The following MYO16 variants were observed in gnomAD, a reference collection of about 807,000 sequenced individuals.
MYO16 encodes the protein unconventional myosin-XVI.
Under a neutral mutation model 205.3 loss-of-function variants are expected in MYO16, and 94 were observed. The ratio of observed to expected loss-of-function variants is 0.46; its 90% CI spans 0.39 to 0.54. MYO16 has a LOEUF of 0.54. Among genes scored for constraint, MYO16 ranks in the 20% least tolerant of loss-of-function variants. MYO16 has a pLI of 0.00. For missense variants in MYO16, 2,315 were observed against 2,387.5 expected (o/e 0.97, Z 0.63); for synonymous variants, 988 against 954.0 (o/e 1.04, Z -0.66).
intron 2 of MYO16, among the ~76,000 whole-genome samples, chr13:108,667,241 G>A (rs1881774057): frequency 6.6e-6 from 1 of 151,252 alleles, no homozygotes; most frequent in Non-Finnish European, 1.5e-5. Context: ...TACATGGTAA[G>A]AAGACTCAAG....
the MYO16 span, among the ~76,000 whole-genome samples, chr13:108,526,521 C>T: frequency 6.6e-5 from 10 of 151,974 alleles, no homozygotes; most frequent in Non-Finnish European, 1.3e-4. Flanking sequence ...GGTTTAAGCG[C>T]GTTGAAATAG....
chr13:108,844,434 C>T lies in MYO16; in HGVS notation c.1189C>T (p.Gln397Ter). The change falls in exon 10 of 35, where the codon CAG becomes TAG. Residue 397 changes from glutamine to a stop codon, truncating the protein, a stop_gained. Coordinates refer to ENST00000457511, the MANE Select transcript of MYO16 (RefSeq NM_001198950.3). LOFTEE classifies it high-confidence loss of function. ...KDATKGLCKQQSQDSIPENPM... is the reference protein window; with the variant it reads ...KDATKGLCKQ Reference sequence around the variant, plus strand: ...TGCAACAAAAGGTCTGTGTAAGCAGCAGTCTCAGGACAGCATCCCTGAAAA... The same window carrying T: ...TGCAACAAAAGGTCTGTGTAAGCAGTAGTCTCAGGACAGCATCCCTGAAAA... 3 of 1,612,998 alleles carry T rather than the reference C, an allele frequency of 1.9e-6. No individual in the cohort carries two copies. Among genetic ancestry groups the T allele is most frequent in the Non-Finnish European group, 2.5e-6 (3 of 1,179,166 alleles).
chr13:108,813,480 G>C (rs530702336), intron 7 of MYO16, among the ~76,000 whole-genome samples: 170 of 152,236 alleles, frequency 1.1e-3, no homozygotes, highest in Non-Finnish European at 2.0e-3. Context: ...GAAGGAATGA[G>C]TGCTGGCTCC....
At chr13:109,003,106 GA>G (rs897377294) in intron 21 of MYO16, among the ~76,000 whole-genome samples, 7 of 151,380 alleles carry the variant, frequency 4.6e-5, no homozygotes, top group Non-Finnish European at 8.8e-5. Flanking sequence ...AAATTATTTT[GA>G]AAAAAAACAT....
In MYO16 at chr13:108,820,219, T is replaced by A. The variant is rs909804157; in HGVS notation, c.868-118T>A. 2.2e-4 allele frequency: 142 copies of A among 652,716 alleles called. 2 individuals carry two copies. Among genetic ancestry groups the A allele is most frequent in the Non-Finnish European group, 3.4e-5 (13 of 378,526 alleles). The allele number at this position is 652,716 out of a possible 1,614,324, so 40.4% of individuals were successfully genotyped here. A position where few individuals can be genotyped will look rare whatever the true frequency, so the allele number is the denominator to read the frequency against. ...AAAGGGGACAGGAAGGACTTCTGAGTGGGAATGCTGATACTGTCTCATGCC... is the reference window on the plus strand; with the variant it reads ...AAAGGGGACAGGAAGGACTTCTGAGAGGGAATGCTGATACTGTCTCATGCC... On this transcript the variant is annotated intron_variant, in intron 7 of 34. Coordinates refer to ENST00000457511, the MANE Select transcript of MYO16 (RefSeq NM_001198950.3).
At chr13:108,737,563 C>A (rs914334115) in intron 4 of MYO16, among the ~76,000 whole-genome samples, 1 of 152,172 alleles carries the variant, frequency 6.6e-6, no homozygotes, top group Admixed American at 6.6e-5. Context: ...AGGATTTTTG[C>A]ATCAATGTTC....
intron 23 of MYO16, among the ~76,000 whole-genome samples, chr13:109,037,661 G>C (rs7334544): frequency 6.6e-6 from 1 of 151,690 alleles, no homozygotes; most frequent in Non-Finnish European, 1.5e-5. Flanking sequence ...CAAAGCCACC[G>C]AGAGACACAC....
chr13:109,204,236 T>A (rs978532267), intron 34 of MYO16, among the ~76,000 whole-genome samples: 2 of 152,232 alleles, frequency 1.3e-5, no homozygotes, highest in African/African-American at 4.8e-5. Context: ...TGAAGTTGTG[T>A]CATTTAGGAA....
At chr13:108,639,455 G>C (rs1880403749) in intron 1 of MYO16, among the ~76,000 whole-genome samples, 1 of 152,082 alleles carries the variant, frequency 6.6e-6, no homozygotes, top group Non-Finnish European at 1.5e-5. Context: ...CTCCTGATTT[G>C]CGCTATTCAA....
intron 6 of MYO16, among the ~76,000 whole-genome samples, chr13:108,802,195 C>A (rs1348478102): frequency 6.6e-6 from 1 of 152,134 alleles, no homozygotes; most frequent in Non-Finnish European, 1.5e-5. Flanking sequence ...CATATTTCTG[C>A]TGTCTAGTTG....
chr13:108,547,135 C>T, the MYO16 span, among the ~76,000 whole-genome samples: 4 of 151,780 alleles, frequency 2.6e-5, no homozygotes, highest in Non-Finnish European at 5.9e-5. Context: ...AGCTGGGCAT[C>T]ATGGCGGGCA....
rs59417999 is a variant in MYO16, at chr13:108,911,066, C to CACACACACAGAG, written c.1925+917_1925+918insCACACACAGAGA. On this transcript the variant is annotated intron_variant, in intron 16 of 34. Coordinates refer to ENST00000457511, the MANE Select transcript of MYO16 (RefSeq NM_001198950.3). The stretch of plus-strand genomic sequence containing the variant: ...ACACACACACACACACACACACACA[C>CACACACACAGAG]AGAGAGAGAGAAGGGTTGCTTCACT... Among the ~76,000 whole-genome samples, 379 of 143,116 alleles carry CACACACACAGAG rather than the reference C, an allele frequency of 2.6e-3. 2 individuals are homozygous for CACACACACAGAG. Among genetic ancestry groups the CACACACACAGAG allele is most frequent in the African/African-American group, 6.3e-3 (238 of 37,968 alleles). 93.9% of individuals were successfully genotyped at this position (143,116 alleles called of 152,430 possible). A position where few individuals can be genotyped will look rare whatever the true frequency, so the allele number is the denominator to read the frequency against.
intron 32 of MYO16, among the ~76,000 whole-genome samples, chr13:109,161,800 AG>A (rs1275989598): frequency 6.6e-6 from 1 of 152,248 alleles, no homozygotes; most frequent in Non-Finnish European, 1.5e-5. Context: ...ACCGTTTAAA[AG>A]CATGTCATGG....
At chr13:109,009,784 T>G (rs1186453123) in intron 22 of MYO16, among the ~76,000 whole-genome samples, 1 of 152,218 alleles carries the variant, frequency 6.6e-6, no homozygotes, top group Non-Finnish European at 1.5e-5. Flanking sequence ...TTTTATGAAT[T>G]TTTCTGATTA....
chr13:108,693,456 T>G (rs2139500519), intron 2 of MYO16, among the ~76,000 whole-genome samples: 1 of 152,296 alleles, frequency 6.6e-6, no homozygotes, highest in East Asian at 1.9e-4. Context: ...TTTCCCTACT[T>G]TTGATATTTT....
At chr13:109,115,968 AAC>A (rs1555332780) in intron 28 of MYO16, among the ~76,000 whole-genome samples, 3 of 129,044 alleles carry the variant, frequency 2.3e-5, no homozygotes, top group Non-Finnish European at 3.2e-5. Context: ...ATCTCAAAAA[AAC>A]AAACAAACAA....
At chr13:108,837,339 TATAA>T (rs1008365418) in intron 9 of MYO16, among the ~76,000 whole-genome samples, 1 of 152,178 alleles carries the variant, frequency 6.6e-6, no homozygotes, top group Non-Finnish European at 1.5e-5. Context: ...CTCTTTCCTT[TATAA>T]ATACTCAGTC....
At chr13:109,128,379 T>C (rs1393290667) in intron 31 of MYO16, among the ~76,000 whole-genome samples, 3 of 151,936 alleles carry the variant, frequency 2.0e-5, no homozygotes, top group Non-Finnish European at 2.9e-5. Flanking sequence ...GGAAGAGAGG[T>C]TGAGATTCTA....
chr13:108,794,239 C>T (rs1256428889), intron 6 of MYO16, among the ~76,000 whole-genome samples: 3 of 152,118 alleles, frequency 2.0e-5, no homozygotes, highest in East Asian at 1.9e-4. Context: ...TTGTTACCTG[C>T]GTAATGAAAT....
Sources: gnomAD v4.1 joint callset for allele counts (sites outside exome capture counted in the v4.1 genomes callset) on GRCh38, gnomAD v4.1.1 for gene constraint, MANE v1.5 for transcripts, NCBI Gene and HGNC (gene_info 2026-07-23, HGNC 2026-07-21) for gene names.